SHANK1: variants seen among roughly 807,000 people sequenced by gnomAD.
SHANK1 encodes SH3 and multiple ankyrin repeat domains 1.
A neutral mutation model predicts 165.6 loss-of-function variants in SHANK1; 35 were observed. That is an observed-to-expected ratio of 0.21 (90% CI 0.16 to 0.28). SHANK1 has a LOEUF of 0.28. Ranked by LOEUF, SHANK1 falls within the 10% of genes least tolerant of loss-of-function variation. The probability of loss-of-function intolerance (pLI) is 1.00; values close to 1 mark genes in which losing one functional copy is unlikely to be tolerated. For synonymous variants in SHANK1, 1,428 were observed against 1,384.8 expected (o/e 1.03, Z -0.69); for missense variants, 2,681 against 3,036.4 (o/e 0.88, Z 2.75).
intron 15 of SHANK1, among the ~76,000 whole-genome samples, chr19:50,695,362 G>A (rs1158292426): frequency 6.7e-6 from 1 of 148,222 alleles, no homozygotes; most frequent in Non-Finnish European, 1.5e-5. Context: ...GCGGGCGCGA[G>A]GCTTAACCCC....
At chr19:50,714,888 A>G (rs1185287263) in intron 4 of SHANK1, among the ~76,000 whole-genome samples, 3 of 152,044 alleles carry the variant, frequency 2.0e-5, no homozygotes, top group Non-Finnish European at 4.4e-5. Flanking sequence ...TGTATTTCAC[A>G]CTCACAGCGA....
rs1217688588 is a variant in SHANK1 at position 50,718,416 on chromosome 19, AG to A, written c.-44+989del. 2.0e-5 allele frequency among the ~76,000 whole-genome samples: 3 copies of A among 151,502 alleles called. No individual in the cohort carries two copies. The highest frequency in any genetic ancestry group is 6.5e-5 in the Admixed American group (1 of 15,268). ...GACCCCCAGCCTCAACCCCGCTCGGAGGGGGTGGCCGGTGGGATGAAAGAAA... is the reference window on the plus strand; with the variant it reads ...GACCCCCAGCCTCAACCCCGCTCGGAGGGGTGGCCGGTGGGATGAAAGAAA... On this transcript the variant is annotated intron_variant, in intron 1 of 23. Transcript: ENST00000293441. This position sits in a 1 kb window ranked among gnomAD's most constrained non-coding sequence, Gnocchi z 5.1.
intron 21 of SHANK1, among the ~76,000 whole-genome samples, chr19:50,673,509 G>A (rs1368650692): frequency 2.0e-5 from 3 of 151,946 alleles, no homozygotes; most frequent in African/African-American, 7.3e-5. Flanking sequence ...AGTTCTCCTC[G>A]GCGAGACCTT....
Position 50,688,709 on chromosome 19 carries a change from T to TG in SHANK1, c.2172+134dup, listed in dbSNP as rs576130700. On this transcript the variant is annotated intron_variant, in intron 17 of 23. Coordinates refer to ENST00000293441, the MANE Select transcript of SHANK1 (RefSeq NM_016148.5). The surrounding 1 kb of genome is among the most constrained non-coding windows in gnomAD (Gnocchi z 6.7). ...ATCGCTGGGGAAAGCAGAGGCTGGC[T>TG]GGGGGGTGGGCAGGGGGCTGGGAAT... 374 of 767,152 alleles carry TG rather than the reference T, an allele frequency of 4.9e-4. 1 individual carries two copies. The African/African-American group carries it at 6.1e-3, about 12-fold the overall frequency. 47.5% of individuals were successfully genotyped at this position (767,152 alleles called of 1,614,324 possible).
chr19:50,689,449 T>C, intron 15 of SHANK1, 170 bp from the exon 16 acceptor site: 2 of 706,484 alleles, frequency 2.8e-6, no homozygotes, highest in South Asian at 3.0e-5. Context: ...ATGCTAGCCC[T>C]GATGGGCTTC....
intron 15 of SHANK1, among the ~76,000 whole-genome samples, chr19:50,695,692 G>A (rs552957901): frequency 1.1e-4 from 17 of 152,134 alleles, no homozygotes; most frequent in Non-Finnish European, 1.9e-4. Flanking sequence ...CCCCAGGCGG[G>A]GACACGCAGC....
In SHANK1 at chr19:50,687,695, A is replaced by G. The variant is rs138645150; in HGVS notation, c.2309-33T>C. On this transcript the variant is annotated intron_variant, in intron 18 of 23. Coordinates refer to ENST00000293441, the MANE Select transcript of SHANK1 (RefSeq NM_016148.5). ...GGTGATGAGGGGAGGCATCAGTATC[A>G]TGGGGGAGATGCCCCCACCACCCTC... The G allele has an allele frequency of 4.8e-4, 701 of 1,449,222 alleles. 6 individuals are homozygous for G. The African/African-American group carries it at 9.4e-3, about 20-fold the overall frequency. The allele number at this position is 1,449,222 out of a possible 1,614,324, so 89.8% of individuals were successfully genotyped here. A position where few individuals can be genotyped will look rare whatever the true frequency, so the allele number is the denominator to read the frequency against.
At position 50,716,820 on chromosome 19, in the gene SHANK1, C is replaced by T. The variant is rs1429180159; in HGVS notation, c.100G>A (p.Gly34Ser). 5.1e-6 allele frequency: 8 copies of T among 1,574,942 alleles called. No individual in the cohort carries two copies. In the Admixed American group the frequency reaches 1.4e-4, roughly 27 times the overall value. ...CCCCGGGTCCCCCGGGGGCCTCGAC[C>T]TGGCCCGTCTGGGGAGCTGTCGGAC... ...SESDSSPDGP[G>S]RGPRGTRGQG... Residue 34 changes from glycine to serine, a missense_variant, in exon 2 of 24, where the codon GGT (glycine) becomes AGT (serine). Physicochemically the swap from Gly to Ser is moderately conservative, Grantham distance 56. Coordinates refer to ENST00000293441, the MANE Select transcript of SHANK1 (RefSeq NM_016148.5). This position sits in a 1 kb window ranked among gnomAD's most constrained non-coding sequence, Gnocchi z 8.4.
Position 50,661,906 on chromosome 19 carries a change from T to C in SHANK1, c.*59A>G. The C allele has an allele frequency of 9.5e-6, 15 of 1,584,464 alleles. No individual in the cohort carries two copies. The highest frequency in any genetic ancestry group is 1.2e-5 in the Non-Finnish European group (14 of 1,156,962). The stretch of plus-strand genomic sequence containing the variant: ...GAGAATGACAGTCAGGGGTCAGAGG[T>C]CAAGAGGCCAGCAGGCTCAAGAGTT... On this transcript the variant is annotated 3_prime_UTR_variant, in exon 24 of 24. Coordinates refer to ENST00000293441, the MANE Select transcript of SHANK1 (RefSeq NM_016148.5).
chr19:50,712,287 C>T (rs1479261083), intron 6 of SHANK1, among the ~76,000 whole-genome samples, 173 bp from the exon 7 acceptor site: 1 of 152,238 alleles, frequency 6.6e-6, no homozygotes, highest in Admixed American at 6.5e-5. Flanking sequence ...CCTTTCCCTC[C>T]CTGGGCCACT....
Position 50,711,943 on chromosome 19 carries a change from G to A in SHANK1, c.960+4C>T. On this transcript the variant is annotated splice_donor_region_variant and intron_variant, in intron 7 of 23. Transcript: ENST00000293441. ...CAGCCCTTCATGGCCTGAATCAGGAGCACCTGGTGGATTTCCTGCCAGCCG... is the reference window on the plus strand; with the variant it reads ...CAGCCCTTCATGGCCTGAATCAGGAACACCTGGTGGATTTCCTGCCAGCCG... 1.9e-6 allele frequency: 3 copies of A among 1,613,978 alleles called. No homozygotes were observed. Among genetic ancestry groups the A allele is most frequent in the Non-Finnish European group, 2.5e-6 (3 of 1,179,994 alleles).
intron 21 of SHANK1, among the ~76,000 whole-genome samples, chr19:50,673,996 T>C (rs1035045136): frequency 2.6e-5 from 4 of 152,058 alleles, no homozygotes; most frequent in Non-Finnish European, 5.9e-5. Context: ...TCTTGCTATG[T>C]TGCCCAGGCT....
intron 22 of SHANK1, 33 bp from the exon 23 acceptor site, chr19:50,669,318 C>T: frequency 6.8e-7 from 1 of 1,480,284 alleles, no homozygotes; most frequent in Non-Finnish European, 9.3e-7. Flanking sequence ...GGAGGGGGAC[C>T]CTGGCGGGGA....
rs755748403 is a variant in SHANK1 at position 50,686,821 on chromosome 19, A to G, written c.2390-9T>C. 8 of 1,613,472 alleles carry G rather than the reference A, an allele frequency of 5.0e-6. No individual in the cohort carries two copies. Among genetic ancestry groups the G allele is most frequent in the Non-Finnish European group, 6.8e-6 (8 of 1,179,698 alleles). ...CGGCTGCTGCTCGTACTCTGTGGGC[A>G]AAGAACACGGATGACGCCCAGGGAG... On this transcript the variant is annotated splice_polypyrimidine_tract_variant and intron_variant, in intron 19 of 23. Coordinates refer to ENST00000293441, the MANE Select transcript of SHANK1 (RefSeq NM_016148.5). The surrounding 1 kb of genome is among the most constrained non-coding windows in gnomAD (Gnocchi z 5.7).
At chr19:50,682,256 A>G (rs1986204254) in intron 21 of SHANK1, among the ~76,000 whole-genome samples, 1 of 150,734 alleles carries the variant, frequency 6.6e-6, no homozygotes, top group African/African-American at 2.4e-5. Context: ...GGGTTTCACT[A>G]TGTTTGCCAG....
In SHANK1 at chr19:50,667,807, A is replaced by G; in HGVS notation, c.4153T>C (p.Tyr1385His). ...TGCGGGGTGGGCGGCGGGGCCTCGT[A>G]GCGGGGCGATGGGGGCCTGGGAGGC... ...QPPPRPPSPR[Y>H]EAPPPTPHHH... is the part of the protein sequence containing the mutation. The change falls in exon 23 of 24, where the codon TAC becomes CAC. Residue 1385 changes from tyrosine to histidine, a missense_variant. By Grantham distance (83) the Tyr-to-His change is moderately conservative. Around this residue, in one of 10 missense-constraint regions of SHANK1, gnomAD observed 1,713 missense variants for 1,630.2 expected, o/e 1.05. Transcript: ENST00000293441. This position sits in a 1 kb window ranked among gnomAD's most constrained non-coding sequence, Gnocchi z 5.7. The G allele has an allele frequency of 7.7e-7, 1 of 1,290,372 alleles. No homozygotes were observed. The highest frequency in any genetic ancestry group is 1.6e-5 in the African/African-American group (1 of 63,928). 79.9% of individuals were successfully genotyped at this position (1,290,372 alleles called of 1,614,324 possible).
In SHANK1 at chr19:50,683,769, G is replaced by A. The variant is rs550509099; in HGVS notation, c.2577+2468C>T. Among the ~76,000 whole-genome samples, 6 of 152,280 alleles carry A rather than the reference G, an allele frequency of 3.9e-5. No homozygotes were observed. In the East Asian group the frequency reaches 9.6e-4, roughly 24 times the overall value. On this transcript the variant is annotated intron_variant, in intron 21 of 23. Transcript: ENST00000293441. ...CTACTCAAGATTTTCTCTGCTTTGCGCCTGTCCAAGAATAACCACAAAAGC... is the reference window on the plus strand; with the variant it reads ...CTACTCAAGATTTTCTCTGCTTTGCACCTGTCCAAGAATAACCACAAAAGC...
chr19:50,700,472 C>A (rs935594960), intron 12 of SHANK1, among the ~76,000 whole-genome samples: 1 of 151,792 alleles, frequency 6.6e-6, no homozygotes, highest in East Asian at 1.9e-4. Context: ...GTCCCTGGAA[C>A]CTTGTGGGTG....
Position 50,702,444 on chromosome 19 carries a change from G to A in SHANK1, c.1747+23C>T, listed in dbSNP as rs1411868350. The stretch of plus-strand genomic sequence containing the variant: ...CGCCCCCACAGCCCAGCCCAGCCCA[G>A]GCCCTGCTTCCACCCTGGGTACCTT... On this transcript the variant is annotated intron_variant, in intron 12 of 23. Coordinates refer to ENST00000293441, the MANE Select transcript of SHANK1 (RefSeq NM_016148.5). This position sits in a 1 kb window ranked among gnomAD's most constrained non-coding sequence, Gnocchi z 5.3. 6.3e-7 allele frequency: 1 copy of A among 1,596,246 alleles called. No individual in the cohort carries two copies. Among genetic ancestry groups the A allele is most frequent in the Non-Finnish European group, 8.5e-7 (1 of 1,170,568 alleles).
Sources: allele counts gnomAD v4.1 joint callset (sites outside exome capture counted in the v4.1 genomes callset), GRCh38; gene constraint gnomAD v4.1.1; regional missense constraint gnomAD v4.1.1; non-coding constraint Gnocchi (gnomAD v3.1); transcripts MANE v1.5; gene names NCBI Gene and HGNC (gene_info 2026-07-23, HGNC 2026-07-21).